ADGRL2: variants seen among roughly 807,000 people sequenced by gnomAD.
ADGRL2 encodes the protein adhesion G protein-coupled receptor L2.
ADGRL2 carries 44 observed loss-of-function variants against 157.4 expected under a neutral mutation model. The observed-to-expected ratio is 0.28, with a 90% CI of 0.22 to 0.36. The LOEUF is 0.36. Among genes scored for constraint, ADGRL2 ranks in the 10% least tolerant of loss-of-function variants. The pLI is 1.00. For synonymous variants in ADGRL2, 585 were observed against 624.7 expected (o/e 0.94, Z 0.95); for missense variants, 1,510 against 1,768.9 (o/e 0.85, Z 2.63).
At chr1:81,814,905 T>C (rs959505961) in intron 1 of ADGRL2, among the ~76,000 whole-genome samples, 1 of 151,766 alleles carries the variant, frequency 6.6e-6, no homozygotes, top group Admixed American at 6.6e-5. Flanking sequence ...TAAAATTTTA[T>C]ACATTTTCTT....
intron 11 of ADGRL2, among the ~76,000 whole-genome samples, chr1:81,963,347 A>C (rs1320263905): frequency 6.6e-6 from 1 of 152,016 alleles, no homozygotes. Flanking sequence ...TTTACTGTGA[A>C]TAATACTTGT....
At chr1:81,876,995 T>C (rs560618641) in intron 2 of ADGRL2, among the ~76,000 whole-genome samples, 23 of 152,250 alleles carry the variant, frequency 1.5e-4, no homozygotes, top group Non-Finnish European at 2.8e-4. Context: ...CTCTGAGTGC[T>C]CTTCTTAACC....
At chr1:81,840,578 A>C (rs762059499) in intron 2 of ADGRL2, among the ~76,000 whole-genome samples, 13 of 152,150 alleles carry the variant, frequency 8.5e-5, no homozygotes, top group Non-Finnish European at 1.5e-4. Flanking sequence ...AATTATACAA[A>C]GGTTTAATTG....
intron 2 of ADGRL2, among the ~76,000 whole-genome samples, chr1:81,529,030 G>T (rs74883106): frequency 0.016 from 2,420 of 152,300 alleles, 66 homozygotes; most frequent in African/African-American, 0.055. Context: ...AATGTTGCTA[G>T]AAAAGGTGAA....
At chr1:81,960,119 G>T (rs936463899) in intron 11 of ADGRL2, among the ~76,000 whole-genome samples, 3 of 152,018 alleles carry the variant, frequency 2.0e-5, no homozygotes, top group Admixed American at 6.6e-5. Flanking sequence ...TTCATTAAAA[G>T]TTATTTCTCT....
At chr1:81,985,639 C>G (rs1042748245) in intron 21 of ADGRL2, among the ~76,000 whole-genome samples, 1 of 151,808 alleles carries the variant, frequency 6.6e-6, no homozygotes, top group Non-Finnish European at 1.5e-5. Flanking sequence ...AAATTATGAA[C>G]TTTTTTAACC....
At chr1:81,505,472 C>T (rs1050032715) in intron 2 of ADGRL2, among the ~76,000 whole-genome samples, 2 of 150,778 alleles carry the variant, frequency 1.3e-5, no homozygotes, top group Non-Finnish European at 2.9e-5. Flanking sequence ...CTCCCTTTCC[C>T]CAGGCAGCTC....
chr1:81,428,429 G>C (rs938133499), intron 1 of ADGRL2, among the ~76,000 whole-genome samples: 1 of 152,144 alleles, frequency 6.6e-6, no homozygotes, highest in Non-Finnish European at 1.5e-5. Flanking sequence ...CTCCCTGAAG[G>C]TTCAAGAATT....
rs757239865 is a variant in ADGRL2 at position 81,356,952 on chromosome 1, C to CAAAAAAAAAAAA, written c.-302+50453_-302+50464dup. Among the ~76,000 whole-genome samples, 25 of 55,670 alleles carry CAAAAAAAAAAAA rather than the reference C, an allele frequency of 4.5e-4. 1 individual carries two copies. Among genetic ancestry groups the CAAAAAAAAAAAA allele is most frequent in the African/African-American group, 1.5e-3 (21 of 13,592 alleles). 36.5% of individuals were successfully genotyped at this position (55,670 alleles called of 152,430 possible). On this transcript the variant is annotated intron_variant, in intron 1 of 24. Transcript: ENST00000370721. ...TGGGGGACAAAATGAGACTCCGTCT[C>CAAAAAAAAAAAA]AAAAAAAAAAAAAAAAAAAAAGAAG...
intron 2 of ADGRL2, among the ~76,000 whole-genome samples, chr1:81,858,572 A>C (rs1488935318): frequency 6.6e-6 from 1 of 152,148 alleles, no homozygotes; most frequent in East Asian, 1.9e-4. Context: ...GTCTTCCTAA[A>C]CATGACACAT....
chr1:81,394,876 CTTTTTTAT>C (rs368304339), intron 1 of ADGRL2, among the ~76,000 whole-genome samples: 1,896 of 146,170 alleles, frequency 0.013, 25 homozygotes, highest in African/African-American at 0.035. Context: ...TTTTGTCTCT[CTTTTTTAT>C]TTATTTATTT....
rs375090151 is a variant in ADGRL2, at chr1:81,728,333, C to T, written c.-143+28525C>T. 1.1e-3 allele frequency among the ~76,000 whole-genome samples: 174 copies of T among 152,244 alleles called. No individual in the cohort carries two copies. In the East Asian group the frequency reaches 0.019, roughly 17 times the overall value. On this transcript the variant is annotated intron_variant, in intron 1 of 20. Transcript: ENST00000359929. Reference sequence around the variant, plus strand: ...GATTATGTGTTTGGGAATCATATTTCGGTCCACTAAGAAATCACATGACTA... The same window carrying T: ...GATTATGTGTTTGGGAATCATATTTTGGTCCACTAAGAAATCACATGACTA...
intron 1 of ADGRL2, among the ~76,000 whole-genome samples, chr1:81,734,835 A>T (rs2084843713): frequency 6.8e-6 from 1 of 147,676 alleles, no homozygotes; most frequent in African/African-American, 2.5e-5. Flanking sequence ...GGAGTTCAAG[A>T]CCAGACTAAC....
intron 1 of ADGRL2, among the ~76,000 whole-genome samples, chr1:81,325,059 A>G (rs1271917719): frequency 6.6e-6 from 1 of 152,162 alleles, no homozygotes; most frequent in East Asian, 1.9e-4. Flanking sequence ...TTTTGGCCAT[A>G]GTACATTTGA....
intron 1 of ADGRL2, among the ~76,000 whole-genome samples, chr1:81,713,995 C>T (rs192247108): frequency 6.6e-6 from 1 of 152,286 alleles, no homozygotes; most frequent in Non-Finnish European, 1.5e-5. Context: ...GGAGAAAAAG[C>T]GTTTCTTACA....
chr1:81,310,436 ACAT>A (rs897679402), intron 1 of ADGRL2, among the ~76,000 whole-genome samples: 3 of 152,160 alleles, frequency 2.0e-5, no homozygotes, highest in Non-Finnish European at 2.9e-5. Flanking sequence ...AAAAACCCAA[ACAT>A]CATCAACACA....
At chr1:81,648,156 T>C (rs922401415) in intron 3 of ADGRL2, among the ~76,000 whole-genome samples, 1 of 152,240 alleles carries the variant, frequency 6.6e-6, no homozygotes, top group Non-Finnish European at 1.5e-5. Flanking sequence ...GGTTTATATC[T>C]GAGAGCCAGC....
At chr1:81,647,196 A>G (rs1178172287) in intron 3 of ADGRL2, among the ~76,000 whole-genome samples, 1 of 152,224 alleles carries the variant, frequency 6.6e-6, no homozygotes, top group Non-Finnish European at 1.5e-5. Flanking sequence ...CTTTGACAGC[A>G]TATCACACAT....
At chr1:81,617,967 A>C (rs573999952) in intron 3 of ADGRL2, among the ~76,000 whole-genome samples, 2 of 152,338 alleles carry the variant, frequency 1.3e-5, no homozygotes, top group East Asian at 1.9e-4. Context: ...TTAGATGGCT[A>C]TAGACCTTCC....
Sources: allele counts gnomAD v4.1 joint callset (sites outside exome capture counted in the v4.1 genomes callset), GRCh38; gene constraint gnomAD v4.1.1; transcripts MANE v1.5; gene names NCBI Gene and HGNC (gene_info 2026-07-23, HGNC 2026-07-21).